Variants in NOD2 observed in about 807,000 individuals in gnomAD.
NOD2 encodes nucleotide-binding oligomerization domain-containing protein 2.
In NOD2, 86 loss-of-function variants were observed where a neutral mutation model predicts 90.9. The ratio of observed to expected loss-of-function variants is 0.95; its 90% CI spans 0.79 to 1.13. NOD2 has a LOEUF of 1.13. Ranked by LOEUF, NOD2 falls within the 50% of genes most tolerant of loss-of-function variation. The pLI is 0.00. For synonymous variants in NOD2, 581 were observed against 554.6 expected (o/e 1.05, Z -0.67); for missense variants, 1,238 against 1,283.8 (o/e 0.96, Z 0.55).
At chr16:50,731,712 C>T in intron 11 of NOD2, 35 bp from the exon 12 acceptor site, 1 of 1,486,814 alleles carries the variant, frequency 6.7e-7, no homozygotes, top group Non-Finnish European at 9.4e-7. Context: ...TAATTTTGTC[C>T]TCACTCAAAC....
At position 50,711,199 on chromosome 16, in the gene NOD2, G is replaced by T; in HGVS notation, c.1207G>T (p.Val403Leu). ...RKVVTSRPAA[V>L]SAFLRKYIRT... The stretch of plus-strand genomic sequence containing the variant: ...GGTGGTGACCAGCCGTCCGGCCGCT[G>T]TGTCGGCGTTCCTCAGGAAGTACAT... The change falls in exon 4 of 12, where the codon GTG (valine) becomes TTG (leucine). Residue 403 changes from valine (V) to leucine (L), a missense_variant. Transcript: ENST00000647318. 6.2e-7 allele frequency: 1 copy of T among 1,614,084 alleles called. No individual in the cohort carries two copies. The highest frequency in any genetic ancestry group is 8.5e-7 in the Non-Finnish European group (1 of 1,180,040).
chr16:50,694,460 C>T (rs1596812726), intron 1 of NOD2, among the ~76,000 whole-genome samples: 2 of 152,114 alleles, frequency 1.3e-5, no homozygotes, highest in Non-Finnish European at 2.9e-5. Flanking sequence ...GCTGGGGCCC[C>T]TGAGTTTGTT....
intron 9 of NOD2, among the ~76,000 whole-genome samples, chr16:50,724,393 A>T (rs1965194250): frequency 1.3e-5 from 2 of 152,224 alleles, no homozygotes; most frequent in African/African-American, 2.4e-5. Flanking sequence ...ACTTTAGGCA[A>T]ATTAAATTTA....
rs1963846428 is a variant in NOD2 at position 50,699,758 on chromosome 16, A to G, written c.263A>G (p.Gln88Arg). The stretch of plus-strand genomic sequence containing the variant: ...GCCCAAGAAGCCCAGGCCGACAGCC[A>G]GTCCCCCAAGCTGCATGGCTGCTGG... ...AAAQEAQADSQSPKLHGCWDP... is the reference protein window; with the variant it reads ...AAAQEAQADSRSPKLHGCWDP... The change falls in exon 2 of 12, where the codon CAG becomes CGG. Residue 88 changes from glutamine (Q) to arginine (R), a missense_variant. By Grantham distance (43) the Gln-to-Arg change is conservative. Coordinates refer to ENST00000647318, the MANE Select transcript of NOD2 (RefSeq NM_001370466.1). The G allele has an allele frequency of 6.2e-7, 1 of 1,614,012 alleles. No individual in the cohort carries two copies. Among genetic ancestry groups the G allele is most frequent in the Middle Eastern group, 1.6e-4 (1 of 6,062 alleles).
Position 50,711,478 on chromosome 16 carries a change from C to T in NOD2, c.1486C>T (p.Leu496=), listed in dbSNP as rs781245628. The change falls in exon 4 of 12, where the codon CTG becomes TTG. Residue 496 remains leucine (L), a synonymous_variant. Transcript: ENST00000647318. Reference sequence around the variant, plus strand: ...CCTGCTGATTCTGCAGCATTTTCTGCTGCATGCCACCCCCCCAGACTCAGC... The same window carrying T: ...CCTGCTGATTCTGCAGCATTTTCTGTTGCATGCCACCCCCCCAGACTCAGC... ...MYLLILQHFL[L]HATPPDSASQ... The T allele has an allele frequency of 8.7e-6, 14 of 1,613,272 alleles. No individual in the cohort carries two copies. The highest frequency in any genetic ancestry group is 1.1e-5 in the Non-Finnish European group (13 of 1,179,978).
In NOD2 at chr16:50,696,869, C is replaced by A. The variant is rs199475907; in HGVS notation, c.-8-2619C>A. Among the ~76,000 whole-genome samples the A allele has an allele frequency of 6.6e-6, 1 of 152,328 alleles. No homozygotes were observed. The highest frequency in any genetic ancestry group is 1.5e-5 in the Non-Finnish European group (1 of 68,032). On this transcript the variant is annotated intron_variant, in intron 1 of 11. Transcript: ENST00000647318. ...CCCCTTCCTGGTGTCCACAGAAGCC[C>A]AACGTCACTAGCTGGGGTGTGTATG...
At chr16:50,694,912 C>T (rs866088334) in intron 1 of NOD2, among the ~76,000 whole-genome samples, 21 of 151,998 alleles carry the variant, frequency 1.4e-4, no homozygotes, top group African/African-American at 5.1e-4. Context: ...AGCTGGGAAG[C>T]AGGATGGGGT....
At chr16:50,723,166 G>T in intron 8 of NOD2, 135 bp from the exon 9 acceptor site, 6 of 490,498 alleles carry the variant, frequency 1.2e-5, no homozygotes, top group Non-Finnish European at 1.9e-5. Context: ...AAAAAAGAAA[G>T]AGCACCGCAA....
intron 9 of NOD2, among the ~76,000 whole-genome samples, chr16:50,723,758 G>T (rs755092598): frequency 2.0e-5 from 3 of 152,106 alleles, no homozygotes; most frequent in Non-Finnish European, 4.4e-5. Context: ...CAACCATAAA[G>T]GATTTTTGCA....
At chr16:50,729,710 A>T (rs1292246109) in intron 10 of NOD2, 108 bp from the exon 11 acceptor site, 2 of 838,894 alleles carry the variant, frequency 2.4e-6, no homozygotes, top group African/African-American at 3.3e-5. Context: ...TGTCTAAGGG[A>T]CAGGTGGGCT....
Position 50,711,938 on chromosome 16 carries a change from C to A in NOD2, c.1946C>A (p.Ala649Asp). The change falls in exon 4 of 12, where the codon GCC (alanine) becomes GAC (aspartate). Residue 649 changes from alanine to aspartate, a missense_variant. Physicochemically the swap from Ala to Asp is moderately radical, Grantham distance 126. Coordinates refer to ENST00000647318, the MANE Select transcript of NOD2 (RefSeq NM_001370466.1). Reference sequence around the variant, plus strand: ...CCGCACAACCTTCAGATCACAGCAGCCTTCCTGGCAGGGCTGTTGTCCCGG... The same window carrying A: ...CCGCACAACCTTCAGATCACAGCAGACTTCCTGGCAGGGCTGTTGTCCCGG... The part of the protein sequence containing the change: ...AEPHNLQITA[A>D]FLAGLLSREH... 11 of 1,612,024 alleles carry A rather than the reference C, an allele frequency of 6.8e-6. No individual in the cohort carries two copies. The highest frequency in any genetic ancestry group is 9.3e-6 in the Non-Finnish European group (11 of 1,178,716).
chr16:50,706,257 G>A (rs1273485928), intron 2 of NOD2, among the ~76,000 whole-genome samples: 1 of 152,142 alleles, frequency 6.6e-6, no homozygotes, highest in African/African-American at 2.4e-5. Flanking sequence ...AGAAACTTGG[G>A]TCCACGTGGT....
At chr16:50,712,419 C>G in intron 4 of NOD2, 46 bp downstream of exon 4, 2 of 1,608,970 alleles carry the variant, frequency 1.2e-6, no homozygotes, top group Non-Finnish European at 8.5e-7. Flanking sequence ...GGAGCACCAT[C>G]AAGGCTAAGT....
At chr16:50,702,440 T>A (rs1389753340) in intron 2 of NOD2, among the ~76,000 whole-genome samples, 1 of 152,234 alleles carries the variant, frequency 6.6e-6, no homozygotes, top group Non-Finnish European at 1.5e-5. Context: ...CTTTGAGCTC[T>A]GACATTCTGT....
At chr16:50,694,890 C>T (rs1050240419) in intron 1 of NOD2, among the ~76,000 whole-genome samples, 3 of 152,080 alleles carry the variant, frequency 2.0e-5, no homozygotes, top group Admixed American at 2.0e-4. Context: ...GGAAGTACTA[C>T]GAGTAAAACA....
In NOD2 at chr16:50,710,592, G is replaced by A. The variant is rs777458605; in HGVS notation, c.600G>A (p.Arg200=). ...GCAAGAAGTATATGGCCAAGCTGAGGACCACGGTGTCTGCTCAGTCTCGCT... is the reference window on the plus strand; with the variant it reads ...GCAAGAAGTATATGGCCAAGCTGAGAACCACGGTGTCTGCTCAGTCTCGCT... The part of the protein sequence containing the change: ...ATCKKYMAKL[R]TTVSAQSRFL... The change falls in exon 4 of 12, where the codon AGG becomes AGA. Residue 200 remains arginine, a synonymous_variant. Coordinates refer to ENST00000647318, the MANE Select transcript of NOD2 (RefSeq NM_001370466.1). 3.5e-5 allele frequency: 56 copies of A among 1,614,178 alleles called. No individual in the cohort carries two copies. The highest frequency in any genetic ancestry group is 4.7e-5 in the Non-Finnish European group (55 of 1,180,036).
In NOD2 at chr16:50,699,777, C is replaced by A. The variant is rs1468134975; in HGVS notation, c.282C>A (p.Gly94=). The change falls in exon 2 of 12, where the codon GGC becomes GGA. Residue 94 remains glycine, a synonymous_variant. Transcript: ENST00000647318. ...QADSQSPKLH[G]CWDPHSLHPA... ...ACAGCCAGTCCCCCAAGCTGCATGG[C>A]TGCTGGGACCCCCACTCGCTCCACC... The A allele has an allele frequency of 1.2e-6, 2 of 1,613,790 alleles. No homozygotes were observed. Among genetic ancestry groups the A allele is most frequent in the Non-Finnish European group, 1.7e-6 (2 of 1,180,040 alleles).
At position 50,712,349 on chromosome 16, in the gene NOD2, G is replaced by A; in HGVS notation, c.2357G>A (p.Cys786Tyr). ...GDIGVEQLLPCLGVCKALYLR... is the reference protein window; with the variant it reads ...GDIGVEQLLPYLGVCKALYLR... ...ATTGGCGTGGAGCAGCTGCTGCCTTGCCTTGGTGTCTGCAAGGCTCTGTAG... is the reference window on the plus strand; with the variant it reads ...ATTGGCGTGGAGCAGCTGCTGCCTTACCTTGGTGTCTGCAAGGCTCTGTAG... The change falls in exon 4 of 12, where the codon TGC becomes TAC. Residue 786 changes from cysteine to tyrosine, a missense_variant. Physicochemically the swap from Cys to Tyr is radical, Grantham distance 194 (BLOSUM62 -2). This residue lies in a region of NOD2 where 667 missense variants were observed against 688.7 expected (regional missense o/e 0.97). Coordinates refer to ENST00000647318, the MANE Select transcript of NOD2 (RefSeq NM_001370466.1). 1 of 1,613,920 alleles carries A rather than the reference G, an allele frequency of 6.2e-7. No homozygotes were observed. Among genetic ancestry groups the A allele is most frequent in the Non-Finnish European group, 8.5e-7 (1 of 1,180,044 alleles).
chr16:50,718,593 G>A (rs1012125037), intron 6 of NOD2, among the ~76,000 whole-genome samples: 2 of 152,216 alleles, frequency 1.3e-5, no homozygotes, highest in Admixed American at 6.5e-5. Flanking sequence ...GAGAGCACAG[G>A]CTCTGGAGCC....
Sources: allele counts gnomAD v4.1 joint callset (sites outside exome capture counted in the v4.1 genomes callset), GRCh38; gene constraint gnomAD v4.1.1; regional missense constraint gnomAD v4.1.1; transcripts MANE v1.5; gene names NCBI Gene and HGNC (gene_info 2026-07-23, HGNC 2026-07-21).